Variants in TRRAP observed in about 807,000 individuals in gnomAD.
TRRAP encodes the protein transformation/transcription domain associated protein.
Under a neutral mutation model 438.8 loss-of-function variants are expected in TRRAP, and 41 were observed. That is an observed-to-expected ratio of 0.09 (90% CI 0.07 to 0.12). The LOEUF (loss-of-function observed/expected upper bound fraction) is 0.12, where lower values mean the gene tolerates loss of function less well. Ranked by LOEUF, TRRAP falls within the 10% of genes least tolerant of loss-of-function variation. TRRAP has a pLI of 1.00. For synonymous variants in TRRAP, 1,994 were observed against 1,962.9 expected, an observed-to-expected ratio of 1.02 and a Z score of -0.42; for missense variants, 3,122 against 5,055.1, an observed-to-expected ratio of 0.62 and a Z score of 11.60.
At chr7:99,002,555 C>T (rs937052203) in intron 67 of TRRAP, among the ~76,000 whole-genome samples, 33 of 152,302 alleles carry the variant, frequency 2.2e-4, no homozygotes, top group Middle Eastern at 3.4e-3. Context: ...AGGTGGCCTG[C>T]GTCCTTGGTG....
chr7:98,984,257 A>G lies in TRRAP; in HGVS notation c.9187A>G (p.Ile3063Val), dbSNP rs761234809. The G allele has an allele frequency of 1.2e-6, 2 of 1,613,636 alleles. No homozygotes were observed. The highest frequency in any genetic ancestry group is 1.7e-6 in the Non-Finnish European group (2 of 1,179,872). ...GGATATATTAAGTCGGATTCATACTATTCCAACTGTTCCTATCGTGGATTG... is the reference window on the plus strand; with the variant it reads ...GGATATATTAAGTCGGATTCATACTGTTCCAACTGTTCCTATCGTGGATTG... ...ALDILSRIHTIPTVPIVDCFQ... is the reference protein window; with the variant it reads ...ALDILSRIHTVPTVPIVDCFQ... The change falls in exon 61 of 73, where the codon ATT becomes GTT. Residue 3063 changes from isoleucine to valine, a missense_variant. Coordinates refer to ENST00000456197, the MANE Select transcript of TRRAP (RefSeq NM_001375524.1).
intron 65 of TRRAP, among the ~76,000 whole-genome samples, chr7:98,992,848 C>G (rs1051034875): frequency 6.6e-6 from 1 of 152,048 alleles, no homozygotes; most frequent in Admixed American, 6.5e-5. Context: ...TGGTGAGAGG[C>G]GGTGGATGAG....
intron 33 of TRRAP, among the ~76,000 whole-genome samples, chr7:98,947,120 G>T (rs931823325): frequency 6.6e-6 from 1 of 152,204 alleles, no homozygotes; most frequent in Non-Finnish European, 1.5e-5. Flanking sequence ...CGCGCACAGC[G>T]CAGCACGGCA....
intron 45 of TRRAP, 21 bp downstream of exon 45, chr7:98,959,511 G>A (rs1247279958): frequency 3.1e-6 from 5 of 1,608,150 alleles, no homozygotes; most frequent in East Asian, 2.2e-5. Flanking sequence ...GTGTCTGAAG[G>A]GCCAGGGCAG....
At chr7:98,964,521 T>G in intron 47 of TRRAP, 108 bp from the exon 48 acceptor site, 1 of 1,335,240 alleles carries the variant, frequency 7.5e-7, no homozygotes, top group Non-Finnish European at 1.0e-6. Flanking sequence ...ACACTGGGAT[T>G]AACTATGCTT....
In TRRAP at chr7:98,977,023, T is replaced by A; in HGVS notation, c.8332T>A (p.Tyr2778Asn). Residue 2778 changes from tyrosine to asparagine, a missense_variant, in exon 56 of 73, where the codon TAC becomes AAC. By Grantham distance (143) the Tyr-to-Asn change is moderately radical. This residue lies in a region of TRRAP where 992 missense variants were observed against 1,281.2 expected (regional missense o/e 0.77). Transcript: ENST00000456197. The part of the protein sequence containing the change: ...WAGLWQKRCK[Y>N]SETATAIAYE... ...TGGTCTGTGGCAGAAGCGGTGCAAG[T>A]ACTCGGAGACAGCGACTGCGATTGC... 5 of 1,614,216 alleles carry A rather than the reference T, an allele frequency of 3.1e-6. No individual in the cohort carries two copies. The highest frequency in any genetic ancestry group is 4.2e-6 in the Non-Finnish European group (5 of 1,180,022).
intron 21 of TRRAP, among the ~76,000 whole-genome samples, chr7:98,923,723 C>G (rs1358988062): frequency 2.0e-5 from 3 of 152,254 alleles, no homozygotes; most frequent in Non-Finnish European, 4.4e-5. Context: ...CTGCGTGTCT[C>G]TAAGCCTGGC....
chr7:98,968,933 AAGAC>A (rs1477845561), intron 51 of TRRAP, among the ~76,000 whole-genome samples: 1 of 152,216 alleles, frequency 6.6e-6, no homozygotes, highest in East Asian at 1.9e-4. Flanking sequence ...TAAAAAGACA[AAGAC>A]AGACGACATA....
intron 24 of TRRAP, 110 bp downstream of exon 24, chr7:98,930,316 C>T: frequency 7.5e-7 from 1 of 1,337,760 alleles, no homozygotes; most frequent in South Asian, 1.4e-5. Flanking sequence ...GTGGCTCACG[C>T]CTGTAATCCC....
At chr7:98,978,633 T>C in intron 57 of TRRAP, 136 bp from the exon 58 acceptor site, 1 of 1,269,036 alleles carries the variant, frequency 7.9e-7, no homozygotes, top group South Asian at 1.3e-5. Flanking sequence ...CACCTCCATG[T>C]CCCACAGAAG....
chr7:98,976,974 G>C lies in TRRAP; in HGVS notation c.8283G>C (p.Leu2761=). Residue 2761 remains leucine (L), a synonymous_variant, in exon 56 of 73, where the codon CTG becomes CTC. Transcript: ENST00000456197. The surrounding 1 kb of genome is among the most constrained non-coding windows in gnomAD (Gnocchi z 4.6). The part of the protein sequence containing the change: ...ILDSLAELYS[L]LQEEDMWAGL... ...ATTCCCTTGCGGAGCTTTACTCCCT[G>C]TTACAAGAGGAAGATATGTGGGCTG... 1 of 1,614,196 alleles carries C rather than the reference G, an allele frequency of 6.2e-7. No individual in the cohort carries two copies. The highest frequency in any genetic ancestry group is 8.5e-7 in the Non-Finnish European group (1 of 1,180,036).
chr7:98,941,456 T>C (rs1292565412), intron 30 of TRRAP, among the ~76,000 whole-genome samples: 2 of 152,180 alleles, frequency 1.3e-5, no homozygotes, highest in African/African-American at 4.8e-5. Context: ...AGGAGTGAGC[T>C]ACCGCGCCTG....
Position 98,965,844 on chromosome 7 carries a change from C to T in TRRAP, c.7125C>T (p.Val2375=). Residue 2375 remains valine, a synonymous_variant, in exon 49 of 73, where the codon GTC becomes GTT. Transcript: ENST00000456197. The part of the protein sequence containing the change: ...SPDAKILRAV[V]KIVEEWVKNN... ...ATGCCAAAATCCTCCGGGCTGTGGT[C>T]AAAATCGTGGAAGAATGGGTCAAGA... 4 of 1,614,046 alleles carry T rather than the reference C, an allele frequency of 2.5e-6. No individual in the cohort carries two copies. The highest frequency in any genetic ancestry group is 3.4e-6 in the Non-Finnish European group (4 of 1,180,012).
intron 39 of TRRAP, among the ~76,000 whole-genome samples, chr7:98,951,456 G>A (rs951308134): frequency 1.3e-5 from 2 of 152,168 alleles, no homozygotes; most frequent in Admixed American, 6.5e-5. Context: ...TGTGGTGGCC[G>A]TAGTCCAGTC....
chr7:99,005,219 T>C lies in TRRAP; in HGVS notation c.10624T>C (p.Tyr3542His), dbSNP rs199577454. The C allele has an allele frequency of 2.2e-5, 36 of 1,613,998 alleles. 1 individual carries two copies. The Middle Eastern group carries it at 3.6e-3, about 162-fold the overall frequency. The change falls in exon 69 of 73, where the codon TAC (tyrosine) becomes CAC (histidine). Residue 3542 changes from tyrosine to histidine, a missense_variant. By Grantham distance (83) the Tyr-to-His change is moderately conservative. Transcript: ENST00000456197. The surrounding 1 kb of genome is among the most constrained non-coding windows in gnomAD (Gnocchi z 5.1). ...IRGHNGKIYP[Y>H]LVMNDACLTE... ...GGGACACAATGGCAAGATCTACCCA[T>C]ACCTCGTCATGAACGACGCCTGCCT...
chr7:98,929,916 A>AGT (rs1790244511), intron 23 of TRRAP, 73 bp from the exon 24 acceptor site: 1 of 1,512,996 alleles, frequency 6.6e-7, no homozygotes, highest in East Asian at 2.3e-5. Flanking sequence ...TCTAACTTCA[A>AGT]GGAAAACATT....
At chr7:98,960,167 G>C (rs1433866963) in intron 45 of TRRAP, among the ~76,000 whole-genome samples, 1 of 152,134 alleles carries the variant, frequency 6.6e-6, no homozygotes, top group Non-Finnish European at 1.5e-5. Flanking sequence ...CAGATTTAAT[G>C]ATGGAGCTAT....
At chr7:98,970,072 C>A in intron 51 of TRRAP, 40 bp from the exon 52 acceptor site, 1 of 1,603,172 alleles carries the variant, frequency 6.2e-7, no homozygotes, top group Non-Finnish European at 8.5e-7. Context: ...GAATGCCACG[C>A]GCATGCCTTG....
chr7:99,011,008 A>T lies in TRRAP; in HGVS notation c.10939-44A>T. The T allele has an allele frequency of 2.5e-6, 4 of 1,570,294 alleles. No individual in the cohort carries two copies. The highest frequency in any genetic ancestry group is 2.3e-5 in the South Asian group (2 of 86,830). On this transcript the variant is annotated intron_variant, in intron 70 of 72. Transcript: ENST00000456197. The surrounding 1 kb of genome is among the most constrained non-coding windows in gnomAD (Gnocchi z 7.1). The stretch of plus-strand genomic sequence containing the variant: ...TTGAGAATTTTTCTTTTCCAAAAAA[A>T]ATCAGTGAGTGAGATGGGAGTGTCA...
Sources: allele counts gnomAD v4.1 joint callset (sites outside exome capture counted in the v4.1 genomes callset), GRCh38; gene constraint gnomAD v4.1.1; regional missense constraint gnomAD v4.1.1; non-coding constraint Gnocchi (gnomAD v3.1); transcripts MANE v1.5; gene names NCBI Gene and HGNC (gene_info 2026-07-23, HGNC 2026-07-21).